Variants in PALM2AKAP2 observed in about 807,000 individuals in gnomAD.
PALM2AKAP2 encodes PALM2-AKAP2 fusion protein.
A neutral mutation model predicts 71.5 loss-of-function variants in PALM2AKAP2; 37 were observed. That is an observed-to-expected ratio of 0.52 (90% confidence interval 0.40 to 0.68). The LOEUF is 0.68. Ranked by LOEUF, PALM2AKAP2 falls within the 30% of genes least tolerant of loss-of-function variation. PALM2AKAP2 has a pLI of 0.00. For missense variants in PALM2AKAP2, 1,224 were observed against 1,191.8 expected (o/e 1.03, Z -0.40); for synonymous variants, 468 against 478.8 (o/e 0.98, Z 0.29).
intron 6 of PALM2AKAP2, among the ~76,000 whole-genome samples, chr9:109,960,096 T>C (rs1831825867): frequency 6.6e-6 from 1 of 152,220 alleles, no homozygotes; most frequent in Non-Finnish European, 1.5e-5. Flanking sequence ...TAAATTTTTC[T>C]TTTTAATTAA....
chr9:109,677,434 G>A (rs1301820885), intron 1 of PALM2AKAP2, among the ~76,000 whole-genome samples: 6 of 152,088 alleles, frequency 3.9e-5, no homozygotes, highest in African/African-American at 1.4e-4. Flanking sequence ...TTGGGAGGCC[G>A]AGGCTGGTGG....
At chr9:110,134,347 T>G (rs1043310745) in intron 1 of PALM2AKAP2, among the ~76,000 whole-genome samples, 1 of 151,478 alleles carries the variant, frequency 6.6e-6, no homozygotes, top group Non-Finnish European at 1.5e-5. Flanking sequence ...AAAATAAAGA[T>G]ATTAGCAATT....
chr9:110,088,726 T>G (rs1834635828), intron 1 of PALM2AKAP2, among the ~76,000 whole-genome samples: 1 of 139,356 alleles, frequency 7.2e-6, no homozygotes, highest in African/African-American at 2.6e-5. Context: ...TTTTTTTTTT[T>G]TTTTTTTTTC....
chr9:109,979,244 C>T lies in PALM2AKAP2; in HGVS notation c.497-36710C>T, dbSNP rs559838730. Reference sequence around the variant, plus strand: ...CTGACTTCAAGTGATCCGTCCACCTCGGCCTCCCAAAGTGCTGGGATTACA... The same window carrying T: ...CTGACTTCAAGTGATCCGTCCACCTTGGCCTCCCAAAGTGCTGGGATTACA... On this transcript the variant is annotated intron_variant, in intron 6 of 9. Transcript: ENST00000302798. Among the ~76,000 whole-genome samples, 8 of 152,292 alleles carry T rather than the reference C, an allele frequency of 5.3e-5. No individual in the cohort carries two copies. The East Asian group carries it at 9.6e-4, about 18-fold the overall frequency.
At chr9:109,943,242 G>A in intron 6 of PALM2AKAP2, 2 of 1,614,244 alleles carry the variant, frequency 1.2e-6, no homozygotes, top group Non-Finnish European at 1.7e-6. Flanking sequence ...AGAAGTCATT[G>A]AGGGAGAAGA....
At chr9:109,933,518 C>T (rs1169088475) in intron 6 of PALM2AKAP2, among the ~76,000 whole-genome samples, 1 of 152,108 alleles carries the variant, frequency 6.6e-6, no homozygotes, top group Non-Finnish European at 1.5e-5. Context: ...TTTTAAGAGA[C>T]AGAAAAAGAA....
At chr9:110,040,228 A>G (rs1382760791) in intron 7 of PALM2AKAP2, among the ~76,000 whole-genome samples, 1 of 152,242 alleles carries the variant, frequency 6.6e-6, no homozygotes, top group African/African-American at 2.4e-5. Context: ...GGCTTTTAAT[A>G]TGCTATAGAA....
At chr9:109,740,740 G>A (rs777266920) in intron 1 of PALM2AKAP2, among the ~76,000 whole-genome samples, 2 of 152,106 alleles carry the variant, frequency 1.3e-5, no homozygotes, top group Admixed American at 1.3e-4. Context: ...TGCAACCTCC[G>A]CCTGCCGGGT....
chr9:109,800,144 T>C (rs10816877), intron 1 of PALM2AKAP2, among the ~76,000 whole-genome samples: 26,966 of 152,168 alleles, frequency 0.18, 2,796 homozygotes, highest in East Asian at 0.35. Context: ...TGTGCCAGTA[T>C]AAGGTTTACT....
intron 1 of PALM2AKAP2, among the ~76,000 whole-genome samples, chr9:109,786,640 G>A (rs1192254111): frequency 6.6e-6 from 1 of 152,164 alleles, no homozygotes; most frequent in Non-Finnish European, 1.5e-5. Context: ...TGCTGTGTCT[G>A]GGAGTGCCAA....
chr9:109,931,545 A>G (rs1831101694), intron 5 of PALM2AKAP2, among the ~76,000 whole-genome samples: 1 of 152,212 alleles, frequency 6.6e-6, no homozygotes, highest in Non-Finnish European at 1.5e-5. Context: ...GTTTTTCAGT[A>G]CTGTTTAATG....
intron 3 of PALM2AKAP2, among the ~76,000 whole-genome samples, chr9:109,919,709 G>GTA (rs370844105): frequency 0.074 from 11,027 of 148,076 alleles, 461 homozygotes; most frequent in Admixed American, 0.12. Flanking sequence ...TTAGTAGGAT[G>GTA]TATATATATA....
At chr9:110,150,524 T>C (rs918412863) in intron 2 of PALM2AKAP2, among the ~76,000 whole-genome samples, 1 of 152,196 alleles carries the variant, frequency 6.6e-6, no homozygotes, top group Non-Finnish European at 1.5e-5. Context: ...CTCCTACAAT[T>C]ACATCAGACC....
chr9:109,772,768 T>C (rs1829288283), intron 1 of PALM2AKAP2, among the ~76,000 whole-genome samples: 1 of 152,220 alleles, frequency 6.6e-6, no homozygotes, highest in African/African-American at 2.4e-5. Context: ...ATATTTTATC[T>C]TATGTGTTAG....
At chr9:109,778,221 A>C (rs986238503), upstream of PALM2AKAP2, among the ~76,000 whole-genome samples, 1 of 152,196 alleles carries the variant, frequency 6.6e-6, no homozygotes, top group Middle Eastern at 3.2e-3. Context: ...GCCTGCTTCT[A>C]TCTCCATATC....
chr9:110,018,602 A>G (rs987879498), intron 7 of PALM2AKAP2, among the ~76,000 whole-genome samples: 5 of 152,216 alleles, frequency 3.3e-5, no homozygotes, highest in Non-Finnish European at 5.9e-5. Flanking sequence ...AAGTGCTGGG[A>G]TTACAGGTGT....
At chr9:109,943,617 A>G in intron 6 of PALM2AKAP2, 1 of 713,594 alleles carries the variant, frequency 1.4e-6, no homozygotes, top group Non-Finnish European at 2.3e-6. Flanking sequence ...TGTGTGCTTC[A>G]TTCTCTCCAA....
chr9:109,643,073 G>A (rs1827095383), intron 1 of PALM2AKAP2, among the ~76,000 whole-genome samples: 1 of 148,350 alleles, frequency 6.7e-6, no homozygotes, highest in African/African-American at 2.5e-5. Flanking sequence ...GAAAGAAAGA[G>A]AAAGAAAGAA....
At chr9:110,152,962 G>A (rs1414309046) in intron 2 of PALM2AKAP2, among the ~76,000 whole-genome samples, 2 of 152,146 alleles carry the variant, frequency 1.3e-5, no homozygotes, top group Admixed American at 6.5e-5. Flanking sequence ...CTGGGGACCT[G>A]TGATAGCCTC....
Sources: allele counts gnomAD v4.1 joint callset (sites outside exome capture counted in the v4.1 genomes callset), GRCh38; gene constraint gnomAD v4.1.1; transcripts MANE v1.5; gene names NCBI Gene and HGNC (gene_info 2026-07-23, HGNC 2026-07-21).